Variants in FAHD1 observed in about 807,000 individuals in gnomAD.
FAHD1 encodes oxaloacetate tautomerase FAHD1, mitochondrial.
FAHD1 carries 14 observed loss-of-function variants against 12.7 expected under a neutral mutation model. The ratio of observed to expected loss-of-function variants is 1.10; its 90% CI spans 0.73 to 1.72. The LOEUF (loss-of-function observed/expected upper bound fraction) is 1.72, where lower values mean the gene tolerates loss of function less well. Ranked by LOEUF, FAHD1 falls within the 40% of genes most tolerant of loss-of-function variation. FAHD1 has a pLI of 0.00. For missense variants in FAHD1, 351 were observed against 298.9 expected (o/e 1.17, Z -1.29); for synonymous variants, 153 against 124.9 (o/e 1.22, Z -1.50).
chr16:1,835,147 C>T (rs1411315170), intron 1 of FAHD1, among the ~76,000 whole-genome samples: 4 of 151,776 alleles, frequency 2.6e-5, no homozygotes, highest in Non-Finnish European at 5.9e-5. Flanking sequence ...CCCAGCTACT[C>T]GGTGGCTGAG....
At chr16:1,831,914 C>T (rs939772759), downstream of FAHD1, among the ~76,000 whole-genome samples, 4 of 152,236 alleles carry the variant, frequency 2.6e-5, no homozygotes, top group East Asian at 7.7e-4. Context: ...CCCGACCCGG[C>T]AATCCGTGGA....
chr16:1,831,159 A>T (rs1156977049), downstream of FAHD1, among the ~76,000 whole-genome samples: 1 of 152,206 alleles, frequency 6.6e-6, no homozygotes, highest in African/African-American at 2.4e-5. Flanking sequence ...GCCTTTTATA[A>T]AAAAATGAGT....
At position 1,836,253 on chromosome 16, in the gene FAHD1, G is replaced by A. The variant is rs189886036; in HGVS notation, c.628-1763G>A. ...AATACTGTGTTACCTAATGCACGAA[G>A]CAGCTTGTCCATAATTATGAATATT... On this transcript the variant is annotated intron_variant, in intron 1 of 2. Transcript: ENST00000382666. 2.4e-4 allele frequency among the ~76,000 whole-genome samples: 36 copies of A among 152,260 alleles called. No individual in the cohort carries two copies. The East Asian group carries it at 6.7e-3, about 29-fold the overall frequency.
At chr16:1,832,913 A>G (rs10468428), downstream of FAHD1, among the ~76,000 whole-genome samples, 27,038 of 152,170 alleles carry the variant, frequency 0.18, 2,558 homozygotes, top group South Asian at 0.27. Flanking sequence ...CTTAGGGGTG[A>G]ACCTGCATCC....
chr16:1,835,896 G>C (rs924224578), intron 1 of FAHD1, among the ~76,000 whole-genome samples: 1 of 145,576 alleles, frequency 6.9e-6, no homozygotes, highest in Admixed American at 7.0e-5. Flanking sequence ...GTCTCACTCT[G>C]TCACCCAGGC....
Position 1,837,486 on chromosome 16 carries a change from G to T in FAHD1, c.628-530G>T, listed in dbSNP as rs115944821. On this transcript the variant is annotated intron_variant, in intron 1 of 2. Coordinates refer to the FAHD1 transcript ENST00000382666. Reference sequence around the variant, plus strand: ...CTACCAAGTAGCTGGGATTACAGGTGTGTACTATTGCACCCATCAGCTCTG... The same window carrying T: ...CTACCAAGTAGCTGGGATTACAGGTTTGTACTATTGCACCCATCAGCTCTG... 6.1e-3 allele frequency among the ~76,000 whole-genome samples: 924 copies of T among 152,232 alleles called. 13 individuals are homozygous for T. Among genetic ancestry groups the T allele is most frequent in the African/African-American group, 0.022 (904 of 41,536 alleles).
intron 1 of FAHD1, among the ~76,000 whole-genome samples, chr16:1,835,862 C>CTT (rs34146401): frequency 2.7e-4 from 39 of 142,764 alleles, no homozygotes; most frequent in Non-Finnish European, 1.2e-4. Context: ...ATTCCTTTTT[C>CTT]TTTTTTTTTT....
chr16:1,835,256 G>C (rs12325337), intron 1 of FAHD1, among the ~76,000 whole-genome samples: 26,723 of 149,806 alleles, frequency 0.18, 2,528 homozygotes, highest in South Asian at 0.27. Context: ...GAGTGAGACT[G>C]TGTCTCAAAA....
chr16:1,829,556 T>G (rs943019369), downstream of FAHD1, among the ~76,000 whole-genome samples: 11 of 152,138 alleles, frequency 7.2e-5, no homozygotes, highest in African/African-American at 2.4e-4. Context: ...AATCAGACAC[T>G]TAGGTATGCT....
chr16:1,838,334 A>G (rs1898804528), intron 2 of FAHD1, among the ~76,000 whole-genome samples: 1 of 152,192 alleles, frequency 6.6e-6, no homozygotes, highest in Non-Finnish European at 1.5e-5. Flanking sequence ...ATAAGGCAGG[A>G]AAGGCTATAT....
intron 2 of FAHD1, chr16:1,839,145 T>C (rs1050550254): frequency 7.7e-7 from 1 of 1,297,744 alleles, no homozygotes; most frequent in Admixed American, 3.1e-5. Flanking sequence ...CCAGGCTGTT[T>C]ATTAGTGAAT....
exon 1 of FAHD1, chr16:1,827,481 A>C (rs1389003217): frequency 1.2e-6 from 2 of 1,611,830 alleles, no homozygotes; most frequent in Middle Eastern, 1.6e-4. Flanking sequence ...GCTGCCGCGC[A>C]GTCCCCGAGG....
exon 3 of FAHD1, chr16:1,839,288 T>C: frequency 6.2e-7 from 1 of 1,613,702 alleles, no homozygotes; most frequent in South Asian, 1.1e-5. Context: ...CAACACTTCC[T>C]GTGAGACTAC....
exon 1 of FAHD1, chr16:1,828,441 A>G: frequency 2.0e-6 from 2 of 1,001,204 alleles, no homozygotes; most frequent in Non-Finnish European, 1.2e-6. Flanking sequence ...ATCAAACCAA[A>G]TGTTAAAAAG....
chr16:1,838,522 A>C (rs1898809686), intron 2 of FAHD1, among the ~76,000 whole-genome samples: 1 of 152,184 alleles, frequency 6.6e-6, no homozygotes, highest in Non-Finnish European at 1.5e-5. Context: ...CTGCTGTTGT[A>C]TAGCTGCAAA....
chr16:1,827,871 T>C (rs765648079), exon 1 of FAHD1: 148 of 1,613,728 alleles, frequency 9.2e-5, no homozygotes, highest in Non-Finnish European at 1.2e-4. Flanking sequence ...GGCTGGTCAG[T>C]ATGACATTTA....
At chr16:1,829,046 T>G (rs186928631), downstream of FAHD1, 7 of 453,004 alleles carry the variant, frequency 1.5e-5, 1 homozygote, top group African/African-American at 1.5e-4. Context: ...AATCAGCAAC[T>G]GTACTTCCCA....
At chr16:1,829,196 G>A (rs543244007), downstream of FAHD1, among the ~76,000 whole-genome samples, 40 of 152,284 alleles carry the variant, frequency 2.6e-4, no homozygotes, top group African/African-American at 8.9e-4. Flanking sequence ...TTTGGGCTTC[G>A]GCAGGGGTTC....
exon 3 of FAHD1, chr16:1,839,533 AGT>A: frequency 8.5e-7 from 1 of 1,178,272 alleles, no homozygotes; most frequent in Non-Finnish European, 1.2e-6. Flanking sequence ...ACTCTACGAC[AGT>A]GTGTGGAAAA....
Sources: gnomAD v4.1 joint callset for allele counts (sites outside exome capture counted in the v4.1 genomes callset) on GRCh38, gnomAD v4.1.1 for gene constraint, MANE v1.5 for transcripts, NCBI Gene and HGNC (gene_info 2026-07-23, HGNC 2026-07-21) for gene names.